Variants in LNX1 observed in about 807,000 individuals in gnomAD.
LNX1 encodes the protein ligand of numb-protein X 1.
Under a neutral mutation model 68.4 loss-of-function variants are expected in LNX1, and 54 were observed. The ratio of observed to expected loss-of-function variants is 0.79; its 90% CI spans 0.63 to 0.99. The LOEUF (loss-of-function observed/expected upper bound fraction) is 0.99. Among genes scored for constraint, LNX1 ranks in the 50% least tolerant of loss-of-function variants. The pLI is 0.00. For synonymous variants in LNX1, 336 were observed against 350.0 expected (o/e 0.96, Z 0.45); for missense variants, 906 against 926.4 (o/e 0.98, Z 0.29).
intron 3 of LNX1, 111 bp downstream of exon 3, chr4:53,507,875 A>G: frequency 2.2e-6 from 3 of 1,391,940 alleles, no homozygotes; most frequent in South Asian, 2.9e-5. Context: ...CAAAACTACC[A>G]GAACGATTTC....
At chr4:53,534,560 TA>T (rs1728238137) in intron 2 of LNX1, among the ~76,000 whole-genome samples, 3 of 152,206 alleles carry the variant, frequency 2.0e-5, no homozygotes, top group Admixed American at 2.0e-4. Flanking sequence ...GAGGATCACT[TA>T]AACCCAGGAG....
chr4:53,522,593 T>C (rs1002843212), intron 2 of LNX1, among the ~76,000 whole-genome samples: 4 of 152,234 alleles, frequency 2.6e-5, no homozygotes, highest in African/African-American at 9.6e-5. Context: ...CCATGTCTCC[T>C]GTCTTTTGTA....
At chr4:53,565,928 C>A (rs1025135644) in intron 2 of LNX1, among the ~76,000 whole-genome samples, 4 of 151,780 alleles carry the variant, frequency 2.6e-5, no homozygotes, top group Admixed American at 6.6e-5. Context: ...TGAAATGAAG[C>A]GAGAAGGAAA....
intron 9 of LNX1, among the ~76,000 whole-genome samples, chr4:53,471,406 A>T (rs1222727468): frequency 6.6e-6 from 1 of 152,168 alleles, no homozygotes; most frequent in Non-Finnish European, 1.5e-5. Context: ...AAACCTAGGC[A>T]TTACCATTCA....
At chr4:53,521,237 C>T (rs1318014927) in intron 2 of LNX1, among the ~76,000 whole-genome samples, 2 of 152,070 alleles carry the variant, frequency 1.3e-5, no homozygotes, top group African/African-American at 4.8e-5. Context: ...TTTTTGAGTC[C>T]TCGTGTTTTT....
At chr4:53,473,529 T>A (rs1723374105) in intron 9 of LNX1, among the ~76,000 whole-genome samples, 1 of 152,304 alleles carries the variant, frequency 6.6e-6, no homozygotes, top group South Asian at 2.1e-4. Flanking sequence ...GAGGACATTA[T>A]CCTTAGCAAA....
At chr4:53,519,659 T>TGACACACTCA (rs1156611026) in intron 2 of LNX1, among the ~76,000 whole-genome samples, 2 of 151,854 alleles carry the variant, frequency 1.3e-5, no homozygotes, top group Non-Finnish European at 2.9e-5. Context: ...TCAAGGTATC[T>TGACACACTCA]GACACACACA....
chr4:53,628,640 A>C (rs1023439523), intron 1 of LNX1, among the ~76,000 whole-genome samples: 1 of 152,200 alleles, frequency 6.6e-6, no homozygotes, highest in Non-Finnish European at 1.5e-5. Context: ...TACCCAAAGG[A>C]AAAGAAGTCA....
At chr4:53,591,630 C>T (rs1466161854), upstream of LNX1, 3 of 959,892 alleles carry the variant, frequency 3.1e-6, no homozygotes, top group Non-Finnish European at 3.7e-6. Context: ...TCAGGAGGCC[C>T]CGCCCACCTG....
At chr4:53,504,510 A>G (rs6834288) in intron 4 of LNX1, among the ~76,000 whole-genome samples, 83,196 of 152,120 alleles carry the variant, frequency 0.55, 24,408 homozygotes, top group Non-Finnish European at 0.65. Flanking sequence ...TATCAGCAAT[A>G]AGGCTGTTTC....
At chr4:53,488,297 T>C (rs560576966) in intron 6 of LNX1, among the ~76,000 whole-genome samples, 1 of 152,368 alleles carries the variant, frequency 6.6e-6, no homozygotes, top group East Asian at 1.9e-4. Context: ...ATTGGTCTAG[T>C]TATGCCCAGT....
chr4:53,496,274 C>T lies in LNX1; in HGVS notation c.1099G>A (p.Gly367Arg), dbSNP rs765401736. 5.0e-6 allele frequency: 8 copies of T among 1,614,028 alleles called. No homozygotes were observed. The highest frequency in any genetic ancestry group is 5.1e-6 in the Non-Finnish European group (6 of 1,180,042). The part of the protein sequence containing the change: ...REQKFRSRNN[G>R]QAPDAYRPRD... ...GGTCTGTAGGCATCCGGGGCCTGTC[C>T]ATTGTTCCTGCTGCGGAACTTCTGT... Residue 367 changes from glycine to arginine, a missense_variant, in exon 6 of 11, where the codon GGA (glycine) becomes AGA (arginine). Coordinates refer to ENST00000263925, the MANE Select transcript of LNX1 (RefSeq NM_001126328.3).
In LNX1 at chr4:53,476,891, A is replaced by T. The variant is rs1385199273; in HGVS notation, c.1754T>A (p.Ile585Lys). The T allele has an allele frequency of 4.3e-6, 7 of 1,614,098 alleles. No individual in the cohort carries two copies. Among genetic ancestry groups the T allele is most frequent in the Non-Finnish European group, 5.9e-6 (7 of 1,180,034 alleles). The change falls in exon 9 of 11, where the codon ATA becomes AAA. Residue 585 changes from isoleucine to lysine, a missense_variant. Physicochemically the swap from Ile to Lys is moderately radical, Grantham distance 102 (BLOSUM62 -3). Transcript: ENST00000263925. ...TTTGACTTCCAAAGCTTTGAGTACT[A>T]TCGAGGATGATGTTCTTTTCAATAA... ...VALLKRTSSSIVLKALEVKEY... is the reference protein window; with the variant it reads ...VALLKRTSSSKVLKALEVKEY...
intron 2 of LNX1, among the ~76,000 whole-genome samples, chr4:53,563,691 C>T (rs201020607): frequency 6.6e-6 from 1 of 152,140 alleles, no homozygotes; most frequent in East Asian, 1.9e-4. Context: ...TCTGTCACCA[C>T]GCCTGGTTAA....
rs1721806825 is a variant in LNX1 at position 53,460,617 on chromosome 4, G to T, written c.*290C>A. The stretch of plus-strand genomic sequence containing the variant: ...ATTTAAATCAGCTTGAATTCAGTGG[G>T]GTATACAAATCATTTTAGTTGTTTT... On this transcript the variant is annotated 3_prime_UTR_variant, in exon 11 of 11. Transcript: ENST00000263925. 3.3e-6 allele frequency: 1 copy of T among 299,506 alleles called. No individual in the cohort carries two copies. Among genetic ancestry groups the T allele is most frequent in the African/African-American group, 2.4e-5 (1 of 42,042 alleles). The allele number at this position is 299,506 out of a possible 1,614,324, so 18.6% of individuals were successfully genotyped here.
intron 1 of LNX1, among the ~76,000 whole-genome samples, chr4:53,630,924 G>A (rs1734243375): frequency 6.6e-6 from 1 of 152,222 alleles, no homozygotes; most frequent in African/African-American, 2.4e-5. Flanking sequence ...AACTAGGATA[G>A]GGCATGGGAA....
At chr4:53,551,119 G>A (rs1729474470) in intron 2 of LNX1, among the ~76,000 whole-genome samples, 1 of 150,730 alleles carries the variant, frequency 6.6e-6, no homozygotes, top group Admixed American at 6.6e-5. Context: ...AGCTTGGTGT[G>A]TTCTGTGGCT....
In LNX1 at chr4:53,613,393, G is replaced by A. The variant is rs1733567590; in HGVS notation, c.-215+3124C>T. 4.6e-5 allele frequency among the ~76,000 whole-genome samples: 7 copies of A among 151,808 alleles called. No individual in the cohort carries two copies. In the South Asian group the frequency reaches 1.5e-3, roughly 32 times the overall value. Reference sequence around the variant, plus strand: ...GTTCAGGGGTACCTGTGCAGGATGTGCAGTTTCATTACATAGTAAACATGT... The same window carrying A: ...GTTCAGGGGTACCTGTGCAGGATGTACAGTTTCATTACATAGTAAACATGT... On this transcript the variant is annotated intron_variant, in intron 2 of 3. Transcript: ENST00000504299.
chr4:53,534,910 C>T (rs1196918186), intron 2 of LNX1, among the ~76,000 whole-genome samples: 7 of 152,118 alleles, frequency 4.6e-5, no homozygotes, highest in African/African-American at 1.7e-4. Flanking sequence ...TTGTAAAAAT[C>T]GTTGAGTGAG....
Sources: gnomAD v4.1 joint callset for allele counts (sites outside exome capture counted in the v4.1 genomes callset) on GRCh38, gnomAD v4.1.1 for gene constraint, MANE v1.5 for transcripts, NCBI Gene and HGNC (gene_info 2026-07-23, HGNC 2026-07-21) for gene names.